PON2: variants seen among roughly 807,000 people sequenced by gnomAD.
PON2 encodes the protein serum paraoxonase/arylesterase 2.
A neutral mutation model predicts 36.6 loss-of-function variants in PON2; 27 were observed. The ratio of observed to expected loss-of-function variants is 0.74; its 90% CI spans 0.54 to 1.02. PON2 has a LOEUF of 1.02. Ranked by LOEUF, PON2 falls within the 50% of genes least tolerant of loss-of-function variation. PON2 has a pLI of 0.00. For synonymous variants in PON2, 149 were observed against 156.3 expected (o/e 0.95, Z 0.35); for missense variants, 363 against 421.1 (o/e 0.86, Z 1.21).
intron 1 of PON2, among the ~76,000 whole-genome samples, chr7:95,430,804 AT>A (rs1225165780): frequency 2.0e-5 from 3 of 151,966 alleles, no homozygotes; most frequent in African/African-American, 7.2e-5. Flanking sequence ...TAAAAGATAG[AT>A]TAAAAAAATA....
chr7:95,407,207 T>G (rs2116450964), intron 6 of PON2, 139 bp from the exon 7 acceptor site: 1 of 560,984 alleles, frequency 1.8e-6, no homozygotes, highest in African/African-American at 1.9e-5. Context: ...TAAAGGTCAA[T>G]TTTTATTTAA....
chr7:95,433,840 G>C (rs1789499406), intron 1 of PON2, among the ~76,000 whole-genome samples: 1 of 152,150 alleles, frequency 6.6e-6, no homozygotes, highest in Non-Finnish European at 1.5e-5. Flanking sequence ...CCTCCCTCTA[G>C]AACTCCACCC....
chr7:95,423,359 G>C (rs1789239860), intron 2 of PON2, among the ~76,000 whole-genome samples: 1 of 149,874 alleles, frequency 6.7e-6, no homozygotes, highest in East Asian at 1.9e-4. Context: ...TTAAAAAAAA[G>C]GAAAGCCAAT....
Position 95,434,905 on chromosome 7 carries a change from A to G in PON2, c.47T>C (p.Leu16Pro). The change falls in exon 1 of 9, where the codon CTC becomes CCC. Residue 16 changes from leucine to proline, a missense_variant. Coordinates refer to ENST00000222572, the MANE Select transcript of PON2 (RefSeq NM_000305.3). ...GAGTGCCAGAAGCCTCTCGCCCAGG[A>G]GCGCCAGCGCGATCCCCAGCAAGCC... ...AVGLLGIALALLGERLLALRN... is the reference protein window; with the variant it reads ...AVGLLGIALAPLGERLLALRN... The G allele has an allele frequency of 6.5e-7, 1 of 1,539,738 alleles. No individual in the cohort carries two copies. The highest frequency in any genetic ancestry group is 8.7e-7 in the Non-Finnish European group (1 of 1,145,152).
chr7:95,424,103 A>C (rs17166879), intron 2 of PON2: 3 of 222,936 alleles, frequency 1.3e-5, no homozygotes, highest in Non-Finnish European at 2.7e-5. Flanking sequence ...CGTGTTAGCC[A>C]TAAGATCAGA....
At chr7:95,406,929 A>G in intron 7 of PON2, 58 bp downstream of exon 7, 1 of 1,088,160 alleles carries the variant, frequency 9.2e-7, no homozygotes, top group East Asian at 2.6e-5. Context: ...TTATAGAAAA[A>G]CTATGTCATT....
At chr7:95,426,789 T>A (rs192411240) in intron 1 of PON2, among the ~76,000 whole-genome samples, 1 of 152,228 alleles carries the variant, frequency 6.6e-6, no homozygotes, top group African/African-American at 2.4e-5. Context: ...ACACCAAGTT[T>A]TAGTATCATG....
chr7:95,425,108 T>TAA (rs1789286231), intron 1 of PON2, among the ~76,000 whole-genome samples: 1 of 152,196 alleles, frequency 6.6e-6, no homozygotes, highest in Non-Finnish European at 1.5e-5. Context: ...AGCATCCCTA[T>TAA]GACAGTATTT....
chr7:95,413,223 G>A (rs1406525800), intron 3 of PON2: 1 of 152,164 alleles, frequency 6.6e-6, no homozygotes, highest in African/African-American at 2.4e-5. Context: ...GAGCGCAGGA[G>A]TTTAGGAGTT....
intron 8 of PON2, 148 bp downstream of exon 8, chr7:95,405,971 T>C: frequency 1.2e-6 from 1 of 831,404 alleles, no homozygotes; most frequent in Non-Finnish European, 1.9e-6. Context: ...TGCCAATTAT[T>C]GGCTTAACGC....
intron 1 of PON2, among the ~76,000 whole-genome samples, chr7:95,428,065 T>G (rs1273955007): frequency 6.6e-6 from 1 of 152,228 alleles, no homozygotes; most frequent in Non-Finnish European, 1.5e-5. Flanking sequence ...TCTGCTGTCA[T>G]GCAGGAATTG....
At chr7:95,419,045 A>T (rs1225172157) in intron 2 of PON2, among the ~76,000 whole-genome samples, 1 of 152,196 alleles carries the variant, frequency 6.6e-6, no homozygotes, top group Admixed American at 6.5e-5. Flanking sequence ...CCACAATATC[A>T]TTACTACACT....
chr7:95,434,957 G>C lies in PON2; in HGVS notation c.-6C>G, dbSNP rs949437350. 2 of 1,524,532 alleles carry C rather than the reference G, an allele frequency of 1.3e-6. No homozygotes were observed. The highest frequency in any genetic ancestry group is 8.8e-7 in the Non-Finnish European group (1 of 1,140,772). The allele number at this position is 1,524,532 out of a possible 1,614,324, so 94.4% of individuals were successfully genotyped here. ...ACAGCCACCAGCCGCCCCATGGCGC[G>C]GGAGCCGGGCGCGCTGCCTCGCTCC... On this transcript the variant is annotated 5_prime_UTR_variant, in exon 1 of 9. Transcript: ENST00000222572.
intron 1 of PON2, among the ~76,000 whole-genome samples, chr7:95,430,217 T>G (rs1315704963): frequency 6.6e-6 from 1 of 152,054 alleles, no homozygotes. Context: ...ATAATCCCAG[T>G]GCTTTGGGAA....
chr7:95,424,822 A>T (rs1191245634), intron 1 of PON2, among the ~76,000 whole-genome samples: 1 of 152,210 alleles, frequency 6.6e-6, no homozygotes, highest in Non-Finnish European at 1.5e-5. Context: ...TATTAAAAAA[A>T]AAAAGCCAAT....
In PON2 at chr7:95,417,696, C is replaced by CAG. The variant is rs1303381231; in HGVS notation, c.146-1400_146-1399insCT. On this transcript the variant is annotated intron_variant, in intron 2 of 8. Coordinates refer to ENST00000222572, the MANE Select transcript of PON2 (RefSeq NM_000305.3). ...ACATACACATGTACACACAGACACA[C>CAG]ACACACACACACACACACACACACA... Among the ~76,000 whole-genome samples, 24 of 140,150 alleles carry CAG rather than the reference C, an allele frequency of 1.7e-4. 1 individual carries two copies. Among genetic ancestry groups the CAG allele is most frequent in the African/African-American group, 4.8e-4 (17 of 35,482 alleles). 91.9% of individuals were successfully genotyped at this position (140,150 alleles called of 152,430 possible).
At chr7:95,424,733 G>A (rs1200461373) in intron 1 of PON2, 148 bp from the exon 2 acceptor site, 11 of 685,298 alleles carry the variant, frequency 1.6e-5, no homozygotes, top group Admixed American at 1.1e-4. Context: ...AGAAAGACAA[G>A]GGTAGGAAAA....
At chr7:95,430,317 GTT>G (rs888812275) in intron 1 of PON2, among the ~76,000 whole-genome samples, 1 of 142,086 alleles carries the variant, frequency 7.0e-6, no homozygotes, top group African/African-American at 2.6e-5. Flanking sequence ...AAATTTTTTT[GTT>G]TTTTTTTTTT....
At position 95,427,684 on chromosome 7, in the gene PON2, G is replaced by A. The variant is rs1455759962; in HGVS notation, c.75-3099C>T. On this transcript the variant is annotated intron_variant, in intron 1 of 8. Transcript: ENST00000222572. Reference sequence around the variant, plus strand: ...GGCTCAATGAACAAGCTCTATATTGGGTCACCCACAGAGCTGTTTTTCATG... The same window carrying A: ...GGCTCAATGAACAAGCTCTATATTGAGTCACCCACAGAGCTGTTTTTCATG... Among the ~76,000 whole-genome samples, 10 of 152,154 alleles carry A rather than the reference G, an allele frequency of 6.6e-5. 1 individual carries two copies. The highest frequency in any genetic ancestry group is 2.4e-4 in the African/African-American group (10 of 41,510).
Sources: gnomAD v4.1 joint callset for allele counts (sites outside exome capture counted in the v4.1 genomes callset) on GRCh38, gnomAD v4.1.1 for gene constraint, MANE v1.5 for transcripts, NCBI Gene and HGNC (gene_info 2026-07-23, HGNC 2026-07-21) for gene names.